PRKAR1B: variants seen among roughly 807,000 people sequenced by gnomAD.
PRKAR1B encodes the protein protein kinase cAMP-dependent type I regulatory subunit beta.
In PRKAR1B, 22 loss-of-function variants were observed where a neutral mutation model predicts 46.5. That is an observed-to-expected ratio of 0.47 (90% CI 0.34 to 0.68). The LOEUF is 0.68. PRKAR1B is among the 30% of genes least tolerant of loss of function. The probability of loss-of-function intolerance (pLI) is 0.01; values close to 1 mark genes in which losing one functional copy is unlikely to be tolerated. For synonymous variants in PRKAR1B, 259 were observed against 217.7 expected (o/e 1.19, Z -1.67); for missense variants, 445 against 535.6 (o/e 0.83, Z 1.67).
At chr7:675,694 T>A (rs999155947) in intron 4 of PRKAR1B, among the ~76,000 whole-genome samples, 4 of 152,172 alleles carry the variant, frequency 2.6e-5, no homozygotes, top group African/African-American at 9.7e-5. Context: ...ACGCCTGTAA[T>A]CCCAGCACTT....
At chr7:707,787 G>A (rs899833610) in intron 2 of PRKAR1B, among the ~76,000 whole-genome samples, 23 of 152,204 alleles carry the variant, frequency 1.5e-4, no homozygotes, top group Admixed American at 1.4e-3. Flanking sequence ...ACAATCGCCA[G>A]CACCACCCGG....
At chr7:634,829 G>A (rs953202269) in intron 4 of PRKAR1B, among the ~76,000 whole-genome samples, 6 of 151,744 alleles carry the variant, frequency 4.0e-5, no homozygotes, top group African/African-American at 9.7e-5. Context: ...TAGTAGAGTC[G>A]GGGTTTCACC....
intron 1 of PRKAR1B, chr7:726,898 C>G: frequency 7.4e-7 from 1 of 1,344,392 alleles, no homozygotes. Context: ...GCTGGAGGAG[C>G]CAGGCCCTGC....
At chr7:561,494 C>G (rs1402628342) in intron 9 of PRKAR1B, among the ~76,000 whole-genome samples, 1 of 152,244 alleles carries the variant, frequency 6.6e-6, no homozygotes, top group Non-Finnish European at 1.5e-5. Context: ...GCGGTGACTC[C>G]TCGGAGCGCT....
At chr7:709,108 TAAAAAAAAAA>T (rs67191707) in intron 2 of PRKAR1B, among the ~76,000 whole-genome samples, 2 of 70,208 alleles carry the variant, frequency 2.8e-5, no homozygotes, top group Admixed American at 3.9e-4. Context: ...TATTTAATAC[TAAAAAAAAAA>T]AAAAAAAAAA....
chr7:695,421 C>G (rs530527878), intron 2 of PRKAR1B, among the ~76,000 whole-genome samples: 10 of 152,202 alleles, frequency 6.6e-5, no homozygotes, highest in Non-Finnish European at 1.3e-4. Context: ...TAAGAGAGAG[C>G]CCCGTGCCGG....
At chr7:703,895 G>A (rs935998793) in intron 2 of PRKAR1B, among the ~76,000 whole-genome samples, 1 of 151,846 alleles carries the variant, frequency 6.6e-6, no homozygotes. Context: ...AATTAAACTA[G>A]AAATAAATAA....
intron 5 of PRKAR1B, among the ~76,000 whole-genome samples, chr7:606,919 T>C (rs1782109572): frequency 6.6e-6 from 1 of 152,152 alleles, no homozygotes; most frequent in Admixed American, 6.5e-5. Flanking sequence ...TGTATACATG[T>C]ACACACATAT....
chr7:721,092 G>T (rs373753881), intron 1 of PRKAR1B, among the ~76,000 whole-genome samples: 1 of 151,982 alleles, frequency 6.6e-6, no homozygotes, highest in African/African-American at 2.4e-5. Context: ...TCGGTCTATC[G>T]GCATCTATGA....
In PRKAR1B at chr7:590,227, C is replaced by G. The variant is rs772839482; in HGVS notation, c.709-5659G>C. On this transcript the variant is annotated intron_variant, in intron 7 of 10. Transcript: ENST00000537384. ...CACCGGCCCAGCAAAGGGTGTGAAACCATAAGGGGACTCTGCTCCAAAGTA... is the reference window on the plus strand; with the variant it reads ...CACCGGCCCAGCAAAGGGTGTGAAAGCATAAGGGGACTCTGCTCCAAAGTA... Among the ~76,000 whole-genome samples the G allele has an allele frequency of 2.6e-4, 39 of 152,372 alleles. No individual in the cohort carries two copies. In the Middle Eastern group the frequency reaches 0.01, roughly 40 times the overall value.
chr7:698,119 G>T (rs185035474), intron 2 of PRKAR1B, among the ~76,000 whole-genome samples: 7 of 150,872 alleles, frequency 4.6e-5, no homozygotes, highest in Non-Finnish European at 1.5e-5. Flanking sequence ...AAATTAACAG[G>T]CTGGGCAGGG....
At chr7:596,018 A>C in intron 7 of PRKAR1B, 128 bp downstream of exon 7, 3 of 1,218,296 alleles carry the variant, frequency 2.5e-6, no homozygotes, top group Non-Finnish European at 3.4e-6. Flanking sequence ...CTCACAGGCC[A>C]GATCTGTCAG....
chr7:712,179 C>T (rs1008077633), intron 1 of PRKAR1B, among the ~76,000 whole-genome samples: 1 of 150,656 alleles, frequency 6.6e-6, no homozygotes, highest in African/African-American at 2.4e-5. Context: ...ACGCCGCCCC[C>T]GGAGTGCCCA....
At chr7:672,056 G>A (rs1296790748) in intron 4 of PRKAR1B, among the ~76,000 whole-genome samples, 1 of 152,124 alleles carries the variant, frequency 6.6e-6, no homozygotes, top group African/African-American at 2.4e-5. Flanking sequence ...GACAGCACCC[G>A]TTCCCTACCC....
At position 683,832 on chromosome 7, in the gene PRKAR1B, G is replaced by A. The variant is rs149579203; in HGVS notation, c.178-3106C>T. ...TGCTCCCTCAGAAACAATCCCACCC[G>A]CTCCTCACCCAGCCCGATGTGGCCG... On this transcript the variant is annotated intron_variant, in intron 2 of 10. Transcript: ENST00000537384. Among the ~76,000 whole-genome samples the A allele has an allele frequency of 2.9e-3, 445 of 152,276 alleles. 4 individuals are homozygous for A. The highest frequency in any genetic ancestry group is 0.01 in the African/African-American group (425 of 41,578).
At chr7:632,137 G>A (rs528678350) in intron 4 of PRKAR1B, among the ~76,000 whole-genome samples, 1 of 152,306 alleles carries the variant, frequency 6.6e-6, no homozygotes, top group East Asian at 1.9e-4. Context: ...AGCCTGGGGG[G>A]AGCAGGTGCT....
In PRKAR1B at chr7:550,381, G is replaced by T. The variant is rs1784104160; in HGVS notation, c.*49C>A. The T allele has an allele frequency of 2.6e-6, 4 of 1,536,086 alleles. No individual in the cohort carries two copies. Among genetic ancestry groups the T allele is most frequent in the Non-Finnish European group, 3.5e-6 (4 of 1,132,950 alleles). On this transcript the variant is annotated 3_prime_UTR_variant, in exon 11 of 11. Coordinates refer to ENST00000537384, the MANE Select transcript of PRKAR1B (RefSeq NM_001164760.2). ...CCGGGCCCCCGACACAGACGAGCAG[G>T]GCACGGCCACCACACTGGGGAGCTG... is the stretch of plus-strand genomic sequence containing the variant.
chr7:613,475 C>A (rs1361075732), intron 4 of PRKAR1B, among the ~76,000 whole-genome samples: 2 of 152,180 alleles, frequency 1.3e-5, no homozygotes, highest in African/African-American at 4.8e-5. Flanking sequence ...TCCAAGCCCA[C>A]AACGTCTGAG....
chr7:606,954 A>G (rs923047646), intron 5 of PRKAR1B, among the ~76,000 whole-genome samples: 2 of 152,180 alleles, frequency 1.3e-5, no homozygotes, highest in Non-Finnish European at 2.9e-5. Flanking sequence ...GTGCATATAT[A>G]TGTAGACATA....
Sources: allele counts gnomAD v4.1 joint callset (sites outside exome capture counted in the v4.1 genomes callset), GRCh38; gene constraint gnomAD v4.1.1; transcripts MANE v1.5; gene names NCBI Gene and HGNC (gene_info 2026-07-23, HGNC 2026-07-21).